Variants in SMARCA4 observed in about 807,000 individuals in gnomAD.
SMARCA4 encodes SWI/SNF related BAF chromatin remodeling complex subunit ATPase 4.
Under a neutral mutation model 193.9 loss-of-function variants are expected in SMARCA4, and 31 were observed. The observed-to-expected ratio is 0.16, with a 90% CI of 0.12 to 0.22. SMARCA4 has a LOEUF of 0.22. SMARCA4 is among the 10% of genes least tolerant of loss of function. The pLI, the probability that SMARCA4 is intolerant of heterozygous loss-of-function variation, is 1.00. For synonymous variants in SMARCA4, 942 were observed against 933.1 expected (o/e 1.01, Z -0.17); for missense variants, 1,148 against 2,296.0 (o/e 0.50, Z 10.22).
At chr19:10,989,509 C>T (rs998730076) in intron 7 of SMARCA4, 66 bp downstream of exon 7, 1 of 1,585,556 alleles carries the variant, frequency 6.3e-7, no homozygotes, top group Non-Finnish European at 8.6e-7. Flanking sequence ...TGCTAAGGCT[C>T]CAAATACGGC....
intron 1 of SMARCA4, chr19:10,983,841 G>C (rs1221295051): frequency 5.8e-6 from 3 of 521,330 alleles, no homozygotes; most frequent in African/African-American, 3.8e-5. Context: ...CCTCTGCCGT[G>C]ATCAGGAATA....
rs1441116108 is a variant in SMARCA4 at position 10,984,572 on chromosome 19, G to A, written c.222+199G>A. Among the ~76,000 whole-genome samples the A allele has an allele frequency of 2.6e-5, 4 of 152,260 alleles. No individual in the cohort carries two copies. The highest frequency in any genetic ancestry group is 1.9e-4 in the East Asian group (1 of 5,194). ...TCGTCAGACCCCAGCCTGTGCTGGCGCATGATCTGGGCCCCGCGGGCACCT... is the reference window on the plus strand; with the variant it reads ...TCGTCAGACCCCAGCCTGTGCTGGCACATGATCTGGGCCCCGCGGGCACCT... On this transcript the variant is annotated intron_variant, in intron 2 of 34. Transcript: ENST00000344626. The surrounding 1 kb of genome is among the most constrained non-coding windows in gnomAD (Gnocchi z 4.3).
At position 11,061,844 on chromosome 19, in the gene SMARCA4, G is replaced by A. The variant is rs202202167; in HGVS notation, c.*28G>A. On this transcript the variant is annotated 3_prime_UTR_variant, in exon 35 of 35. Coordinates refer to ENST00000344626, the MANE Select transcript of SMARCA4 (RefSeq NM_003072.5). ...CCCGACATTCCAGTCTCGACCCCGA[G>A]CCCCTCGTTCCAGAGCTGAGATGGC... 1.9e-5 allele frequency: 31 copies of A among 1,612,414 alleles called. 1 individual carries two copies. The African/African-American group carries it at 3.2e-4, about 17-fold the overall frequency.
intron 30 of SMARCA4, among the ~76,000 whole-genome samples, chr19:11,057,993 T>A (rs758422427): frequency 6.6e-6 from 1 of 151,306 alleles, no homozygotes; most frequent in Non-Finnish European, 1.5e-5. Flanking sequence ...AAAATCCCAG[T>A]GACTCCAAAG....
At chr19:11,022,308 G>C (rs910762064) in intron 19 of SMARCA4, among the ~76,000 whole-genome samples, 2 of 152,248 alleles carry the variant, frequency 1.3e-5, no homozygotes, top group Admixed American at 1.3e-4. Context: ...GCGTGCTGTA[G>C]GCCCCTTTAG....
intron 30 of SMARCA4, among the ~76,000 whole-genome samples, chr19:11,044,669 C>T (rs1303429325): frequency 2.0e-5 from 3 of 152,218 alleles, no homozygotes; most frequent in Non-Finnish European, 4.4e-5. Flanking sequence ...TCACACCCTG[C>T]GTGTAGGAGT....
In SMARCA4 at chr19:10,978,780, A is replaced by AATAT. The variant is rs113134927; in HGVS notation, c.-31-5326_-31-5323dup. On this transcript the variant is annotated intron_variant, in intron 1 of 34. Transcript: ENST00000344626. ...CCCCGTCTCTACTAAAAATACAAAA[A>AATAT]ATATATATATATATATATTTTAGCC... Among the ~76,000 whole-genome samples the AATAT allele has an allele frequency of 2.7e-4, 40 of 148,228 alleles. 1 individual carries two copies. Among genetic ancestry groups the AATAT allele is most frequent in the African/African-American group, 6.4e-4 (26 of 40,716 alleles).
In SMARCA4 at chr19:11,019,641, G is replaced by A. The variant is rs150665431; in HGVS notation, c.2556G>A (p.Lys852=). The change falls in exon 18 of 35, where the codon AAG becomes AAA. Residue 852 remains lysine, a synonymous_variant. Transcript: ENST00000344626. The surrounding 1 kb of genome is among the most constrained non-coding windows in gnomAD (Gnocchi z 6.1). ...RAFVPQLRSG[K]FNVLLTTYEY... The stretch of plus-strand genomic sequence containing the variant: ...TTGTCCCCCAGCTCCGGAGTGGGAA[G>A]TTCAACGTCTTGCTGACGACGTACG... 5 of 1,613,578 alleles carry A rather than the reference G, an allele frequency of 3.1e-6. No individual in the cohort carries two copies. In the African/African-American group the frequency reaches 5.3e-5, roughly 17 times the overall value.
At chr19:11,002,970 G>GT (rs1410078641) in intron 11 of SMARCA4, 59 bp from the exon 12 acceptor site, 1 of 1,607,076 alleles carries the variant, frequency 6.2e-7, no homozygotes, top group African/African-American at 1.3e-5. Context: ...CTTGGCCTCT[G>GT]TAAGTGTTTG....
chr19:11,028,063 G>T, intron 24 of SMARCA4, 113 bp downstream of exon 24: 1 of 1,170,336 alleles, frequency 8.5e-7, no homozygotes, highest in Non-Finnish European at 1.3e-6. Flanking sequence ...GGCGCTCTGG[G>T]TCCAGTGGCC....
intron 1 of SMARCA4, among the ~76,000 whole-genome samples, chr19:10,974,532 T>A (rs2145577406): frequency 6.7e-6 from 1 of 149,076 alleles, no homozygotes; most frequent in South Asian, 2.1e-4. Flanking sequence ...AAAAAATAAA[T>A]AAAAAGCGCC....
chr19:10,996,849 A>C (rs920174951), intron 11 of SMARCA4, among the ~76,000 whole-genome samples: 1 of 152,140 alleles, frequency 6.6e-6, no homozygotes, highest in African/African-American at 2.4e-5. Flanking sequence ...CTTCACCCAG[A>C]GTCTCCATTT....
At position 11,019,834 on chromosome 19, in the gene SMARCA4, C is replaced by T; in HGVS notation, c.2616+133C>T. The stretch of plus-strand genomic sequence containing the variant: ...CTGCATGTGCGTGAAGACAGCTGCC[C>T]TGTGTAGGGGAAAGGCCTAGGTGGG... On this transcript the variant is annotated intron_variant, in intron 18 of 34. Transcript: ENST00000344626. The surrounding 1 kb of genome is among the most constrained non-coding windows in gnomAD (Gnocchi z 6.1). 5.6e-6 allele frequency: 4 copies of T among 720,338 alleles called. No homozygotes were observed. The highest frequency in any genetic ancestry group is 9.9e-6 in the Non-Finnish European group (4 of 402,504). 44.6% of individuals were successfully genotyped at this position (720,338 alleles called of 1,614,324 possible).
intron 30 of SMARCA4, among the ~76,000 whole-genome samples, chr19:11,051,023 T>A (rs951111151): frequency 1.3e-5 from 2 of 152,194 alleles, no homozygotes; most frequent in Non-Finnish European, 2.9e-5. Flanking sequence ...GGGCACTGGG[T>A]CCAACATAAC....
intron 13 of SMARCA4, 117 bp downstream of exon 13, chr19:11,003,514 A>G: frequency 1.0e-6 from 1 of 990,128 alleles, no homozygotes; most frequent in South Asian, 1.3e-5. Context: ...AGGGAACAGC[A>G]GGGCCCAGGC....
At chr19:10,978,184 C>T (rs892555866) in intron 1 of SMARCA4, among the ~76,000 whole-genome samples, 3 of 152,194 alleles carry the variant, frequency 2.0e-5, no homozygotes, top group African/African-American at 7.2e-5. Context: ...AAGCCACAGT[C>T]CCCGCTGGAT....
chr19:11,057,574 C>G (rs1419160938), intron 30 of SMARCA4, among the ~76,000 whole-genome samples: 1 of 151,868 alleles, frequency 6.6e-6, no homozygotes, highest in African/African-American at 2.4e-5. Flanking sequence ...ACTAAAAATA[C>G]AAAAATTAGC....
intron 16 of SMARCA4, among the ~76,000 whole-genome samples, chr19:11,015,772 C>T (rs1325921116): frequency 6.6e-6 from 1 of 151,854 alleles, no homozygotes; most frequent in East Asian, 1.9e-4. Flanking sequence ...TTTGGGAGGC[C>T]GAGGCAGGCG....
intron 1 of SMARCA4, among the ~76,000 whole-genome samples, chr19:10,977,127 C>A (rs2085198950): frequency 6.6e-6 from 1 of 152,116 alleles, no homozygotes; most frequent in Admixed American, 6.6e-5. Context: ...GCATTGCTTG[C>A]CAGGGTGGGC....
Sources: allele counts gnomAD v4.1 joint callset (sites outside exome capture counted in the v4.1 genomes callset), GRCh38; gene constraint gnomAD v4.1.1; non-coding constraint Gnocchi (gnomAD v3.1); transcripts MANE v1.5; gene names NCBI Gene and HGNC (gene_info 2026-07-23, HGNC 2026-07-21).